ERC1: variants seen among roughly 807,000 people sequenced by gnomAD.
ERC1 encodes the protein ELKS/RAB6-interacting/CAST family member 1.
ERC1 carries 56 observed loss-of-function variants against 132.0 expected under a neutral mutation model. The observed-to-expected ratio is 0.42, with a 90% CI of 0.34 to 0.53. ERC1 has a LOEUF of 0.53. Ranked by LOEUF, ERC1 falls within the 20% of genes least tolerant of loss-of-function variation. The pLI is 0.03. For missense variants in ERC1, 1,202 were observed against 1,349.9 expected (o/e 0.89, Z 1.72); for synonymous variants, 478 against 476.1 (o/e 1.00, Z -0.05).
At chr12:1,287,407 A>G (rs73595957) in intron 14 of ERC1, among the ~76,000 whole-genome samples, 4,412 of 152,316 alleles carry the variant, frequency 0.029, 223 homozygotes, top group African/African-American at 0.1. Context: ...GGGTGCCCGG[A>G]TACTTGCTCC....
intron 1 of ERC1, among the ~76,000 whole-genome samples, chr12:1,001,766 C>T (rs1223703364): frequency 1.3e-5 from 2 of 151,350 alleles, no homozygotes; most frequent in Admixed American, 6.6e-5. Context: ...AAATATACTA[C>T]AGTTTATTGT....
chr12:1,478,559 C>G, intron 18 of ERC1, among the ~76,000 whole-genome samples: 1 of 151,880 alleles, frequency 6.6e-6, no homozygotes, highest in South Asian at 2.1e-4. Context: ...TTTGGGAGGC[C>G]GAGGCGGGTG....
chr12:1,182,504 G>A (rs1157103207), intron 10 of ERC1, among the ~76,000 whole-genome samples: 1 of 152,144 alleles, frequency 6.6e-6, no homozygotes, highest in Non-Finnish European at 1.5e-5. Context: ...CTGTTAATAT[G>A]ACCTAAATAG....
rs11061619 is a variant in ERC1 at position 1,051,183 on chromosome 12, G to A, written c.669+22611G>A. 1.4e-4 allele frequency among the ~76,000 whole-genome samples: 21 copies of A among 152,202 alleles called. No homozygotes were observed. In the East Asian group the frequency reaches 3.9e-3, roughly 28 times the overall value. The stretch of plus-strand genomic sequence containing the variant: ...TACTGTTGCACACTTGGAATCTGGG[G>A]CATTTTTAAAATACTTTTGGTCAGC... On this transcript the variant is annotated intron_variant, in intron 2 of 18. Coordinates refer to ENST00000360905, the MANE Select transcript of ERC1 (RefSeq NM_178040.4).
At chr12:1,191,135 T>G (rs1023812300) in intron 12 of ERC1, among the ~76,000 whole-genome samples, 5 of 152,196 alleles carry the variant, frequency 3.3e-5, no homozygotes, top group Non-Finnish European at 7.3e-5. Flanking sequence ...CCTGCTCACT[T>G]ATTTCCTCTT....
chr12:1,398,940 TTTTTTTTTTTTTTTTTTTTTG>T (rs2090774264), intron 16 of ERC1, among the ~76,000 whole-genome samples: 1 of 88,050 alleles, frequency 1.1e-5, no homozygotes, highest in Non-Finnish European at 2.2e-5. Flanking sequence ...CTTTTTTTTT[TTTTTTTTTTTTTTTTTTTTTG>T]TTGAAACAAG....
intron 16 of ERC1, among the ~76,000 whole-genome samples, chr12:1,407,359 A>G (rs1230023498): frequency 6.6e-6 from 1 of 151,980 alleles, no homozygotes; most frequent in Non-Finnish European, 1.5e-5. Context: ...ATAGTTGTTC[A>G]ATTGATTTTT....
intron 7 of ERC1, among the ~76,000 whole-genome samples, chr12:1,118,082 T>C (rs1946645774): frequency 6.6e-6 from 1 of 152,172 alleles, no homozygotes; most frequent in Non-Finnish European, 1.5e-5. Context: ...CCAATTACAC[T>C]CTTTAAGTTA....
intron 18 of ERC1, among the ~76,000 whole-genome samples, chr12:1,463,637 ATGTG>A (rs1333563087): frequency 6.6e-6 from 1 of 151,474 alleles, no homozygotes; most frequent in Non-Finnish European, 1.5e-5. Flanking sequence ...GTGAAGATAA[ATGTG>A]TGTCCGTATC....
chr12:1,284,274 GT>G (rs2078893662), intron 14 of ERC1, among the ~76,000 whole-genome samples: 4 of 117,510 alleles, frequency 3.4e-5, no homozygotes, highest in African/African-American at 1.6e-4. Flanking sequence ...TCGTGTGTGT[GT>G]GTGTGTGTGT....
At chr12:1,021,983 A>T (rs778749409) in intron 1 of ERC1, among the ~76,000 whole-genome samples, 20 of 152,204 alleles carry the variant, frequency 1.3e-4, no homozygotes, top group Non-Finnish European at 2.5e-4. Context: ...TAGTTCCTTC[A>T]CAGTTCTCAA....
intron 2 of ERC1, among the ~76,000 whole-genome samples, chr12:1,033,787 G>A (rs1449030886): frequency 1.3e-5 from 2 of 152,032 alleles, no homozygotes; most frequent in East Asian, 1.9e-4. Context: ...GTGCCACCAC[G>A]CCTGGCTAAT....
intron 3 of ERC1, 104 bp downstream of exon 3, chr12:1,083,684 T>G: frequency 1.1e-6 from 1 of 893,040 alleles, no homozygotes; most frequent in African/African-American, 1.7e-5. Flanking sequence ...GCCGTGCTGG[T>G]GGAAGAGAAT....
intron 8 of ERC1, among the ~76,000 whole-genome samples, chr12:1,177,667 C>T (rs997642896): frequency 7.9e-5 from 12 of 152,142 alleles, no homozygotes; most frequent in African/African-American, 1.2e-4. Context: ...TCACTGATCA[C>T]GGATCACTGT....
intron 2 of ERC1, among the ~76,000 whole-genome samples, chr12:1,042,304 T>G (rs1193852290): frequency 6.6e-6 from 1 of 150,614 alleles, no homozygotes; most frequent in African/African-American, 2.4e-5. Flanking sequence ...CCCGAAGTGC[T>G]GGGATTACAG....
chr12:1,132,773 G>C (rs1452399126), intron 7 of ERC1, among the ~76,000 whole-genome samples: 1 of 152,082 alleles, frequency 6.6e-6, no homozygotes, highest in Non-Finnish European at 1.5e-5. Context: ...AGGCAGTTGA[G>C]ACTTCAGGTT....
Position 1,274,484 on chromosome 12 carries a change from A to ATTTTAT in ERC1, c.2619+11322_2619+11323insTATTTT, listed in dbSNP as rs57502925. On this transcript the variant is annotated intron_variant, in intron 14 of 18. Coordinates refer to ENST00000360905, the MANE Select transcript of ERC1 (RefSeq NM_178040.4). The stretch of plus-strand genomic sequence containing the variant: ...CGTCTATTTTATTTTATTTTATTTT[A>ATTTTAT]TTTATTTATTTATTTATTTATTTAT... Among the ~76,000 whole-genome samples the ATTTTAT allele has an allele frequency of 3.4e-3, 500 of 147,820 alleles. 5 individuals are homozygous for ATTTTAT. The highest frequency in any genetic ancestry group is 0.012 in the African/African-American group (449 of 38,734).
chr12:1,433,108 G>A (rs1307027724), intron 17 of ERC1, among the ~76,000 whole-genome samples: 1 of 152,180 alleles, frequency 6.6e-6, no homozygotes, highest in Non-Finnish European at 1.5e-5. Context: ...AGCAGCCGTT[G>A]CCAAAGAAAT....
At chr12:1,218,352 T>G (rs983143742) in intron 12 of ERC1, among the ~76,000 whole-genome samples, 5 of 152,150 alleles carry the variant, frequency 3.3e-5, no homozygotes, top group African/African-American at 1.2e-4. Context: ...TGCTTTCTCC[T>G]TGTTCACAAG....
Sources: gnomAD v4.1 joint callset for allele counts (sites outside exome capture counted in the v4.1 genomes callset) on GRCh38, gnomAD v4.1.1 for gene constraint, MANE v1.5 for transcripts, NCBI Gene and HGNC (gene_info 2026-07-23, HGNC 2026-07-21) for gene names.